NRXN3: variants seen among roughly 807,000 people sequenced by gnomAD.
NRXN3 encodes neurexin III.
A neutral mutation model predicts 137.6 loss-of-function variants in NRXN3; 32 were observed. That is an observed-to-expected ratio of 0.23 (90% CI 0.18 to 0.31). The LOEUF (loss-of-function observed/expected upper bound fraction) is 0.31, where lower values mean the gene tolerates loss of function less well. Among genes scored for constraint, NRXN3 ranks in the 10% least tolerant of loss-of-function variants. The pLI is 1.00. For missense variants in NRXN3, 1,574 were observed against 2,062.5 expected (o/e 0.76, Z 4.59); for synonymous variants, 798 against 784.5 (o/e 1.02, Z -0.29).
intron 20 of NRXN3, among the ~76,000 whole-genome samples, chr14:79,822,833 A>AAACG (rs2099276784): frequency 6.8e-6 from 1 of 147,424 alleles, no homozygotes; most frequent in South Asian, 2.1e-4. Context: ...ACAAACAAAC[A>AAACG]AAAAAACCAA....
chr14:79,405,625 A>G (rs927205343), intron 15 of NRXN3, among the ~76,000 whole-genome samples: 3 of 152,150 alleles, frequency 2.0e-5, no homozygotes, highest in African/African-American at 4.8e-5. Flanking sequence ...AATGAGGTTT[A>G]TTGTTGAGGA....
intron 15 of NRXN3, among the ~76,000 whole-genome samples, chr14:79,391,921 T>C (rs1333445170): frequency 6.6e-6 from 1 of 152,234 alleles, no homozygotes. Context: ...TAGAAGTCTA[T>C]GTTCTATAGT....
chr14:78,418,640 G>A (rs536348465), intron 4 of NRXN3, among the ~76,000 whole-genome samples: 1 of 152,180 alleles, frequency 6.6e-6, no homozygotes, highest in South Asian at 2.1e-4. Context: ...GTAGGCTGCT[G>A]TTTGGTCTTT....
At chr14:79,045,057 T>C (rs2062743) in intron 15 of NRXN3, among the ~76,000 whole-genome samples, 143,201 of 152,252 alleles carry the variant, frequency 0.94, 67,815 homozygotes, top group Non-Finnish European at 0.99. Context: ...AAAACAACTT[T>C]CTCTTGGCCA....
At chr14:79,153,534 G>A (rs1358368838) in intron 15 of NRXN3, among the ~76,000 whole-genome samples, 1 of 151,856 alleles carries the variant, frequency 6.6e-6, no homozygotes, top group Non-Finnish European at 1.5e-5. Context: ...CAAGTTTCTT[G>A]TCCTGGGCCC....
intron 15 of NRXN3, among the ~76,000 whole-genome samples, chr14:79,365,568 A>G (rs1473213154): frequency 1.3e-5 from 2 of 148,166 alleles, no homozygotes; most frequent in East Asian, 3.9e-4. Context: ...AAATATAAAA[A>G]ATTAGCCGGG....
Position 79,566,744 on chromosome 14 carries a change from G to A in NRXN3, c.3445-97034G>A, listed in dbSNP as rs77941487. On this transcript the variant is annotated intron_variant, in intron 16 of 20. Transcript: ENST00000335750. Reference sequence around the variant, plus strand: ...AACTTTATTTATTTTTACCTCCTCCGATACAAAAAAATGTAAATAACCCTC... The same window carrying A: ...AACTTTATTTATTTTTACCTCCTCCAATACAAAAAAATGTAAATAACCCTC... Among the ~76,000 whole-genome samples, 2,288 of 151,746 alleles carry A rather than the reference G, an allele frequency of 0.015. 166 individuals are homozygous for A. The East Asian group carries it at 0.25, about 16-fold the overall frequency.
intron 4 of NRXN3, among the ~76,000 whole-genome samples, chr14:78,595,351 T>C (rs2097150060): frequency 6.6e-6 from 1 of 152,176 alleles, no homozygotes; most frequent in Admixed American, 6.5e-5. Flanking sequence ...GCTTTGCCAC[T>C]CAGAGAGAAG....
intron 4 of NRXN3, among the ~76,000 whole-genome samples, chr14:78,329,115 A>G (rs192122840): frequency 5.0e-4 from 76 of 152,314 alleles, no homozygotes; most frequent in Non-Finnish European, 1.9e-4. Flanking sequence ...TGTCTACAGC[A>G]TGTTAAAATG....
At chr14:78,403,586 C>A in intron 4 of NRXN3, 1 of 328,942 alleles carries the variant, frequency 3.0e-6, no homozygotes, top group Non-Finnish European at 4.3e-6. Flanking sequence ...AACACCCTGT[C>A]CCGGGCCCCA....
chr14:79,269,952 C>T (rs1387155921), intron 15 of NRXN3, among the ~76,000 whole-genome samples: 1 of 152,164 alleles, frequency 6.6e-6, no homozygotes, highest in Admixed American at 6.5e-5. Context: ...GATTCCTCAC[C>T]TCAATGAATG....
At chr14:79,280,517 G>A (rs1335734463) in intron 15 of NRXN3, 3 of 1,612,454 alleles carry the variant, frequency 1.9e-6, no homozygotes, top group South Asian at 1.1e-5. Flanking sequence ...TCGTTCCCCT[G>A]TTTCCCTTCG....
At chr14:79,067,645 T>C (rs2099682451) in intron 15 of NRXN3, among the ~76,000 whole-genome samples, 2 of 152,090 alleles carry the variant, frequency 1.3e-5, no homozygotes, top group Admixed American at 1.3e-4. Context: ...TTTCAGAACG[T>C]GGTCTATTCA....
chr14:78,978,711 A>T (rs569625369), intron 14 of NRXN3, among the ~76,000 whole-genome samples: 1 of 148,076 alleles, frequency 6.8e-6, no homozygotes, highest in Non-Finnish European at 1.5e-5. Context: ...TATGCATCTT[A>T]TATATAATAT....
intron 15 of NRXN3, among the ~76,000 whole-genome samples, chr14:79,064,586 G>A (rs146608947): frequency 1.3e-5 from 2 of 149,440 alleles, no homozygotes; most frequent in East Asian, 4.0e-4. Context: ...TTTTTGAAAA[G>A]TAAAAAGAAA....
At chr14:78,936,641 T>A (rs1186650321) in intron 10 of NRXN3, among the ~76,000 whole-genome samples, 4 of 152,224 alleles carry the variant, frequency 2.6e-5, no homozygotes, top group Non-Finnish European at 4.4e-5. Context: ...TCAAAACTTA[T>A]AAAATTGTAC....
intron 15 of NRXN3, among the ~76,000 whole-genome samples, chr14:79,226,380 G>T (rs1246958709): frequency 1.3e-5 from 2 of 152,124 alleles, no homozygotes; most frequent in East Asian, 3.9e-4. Flanking sequence ...ACATATCTTT[G>T]ATAGGCAATA....
At chr14:78,634,901 T>C (rs1249209155) in intron 4 of NRXN3, among the ~76,000 whole-genome samples, 1 of 152,170 alleles carries the variant, frequency 6.6e-6, no homozygotes, top group Non-Finnish European at 1.5e-5. Flanking sequence ...TCATTTATAT[T>C]CATTATTCTC....
intron 16 of NRXN3, among the ~76,000 whole-genome samples, chr14:79,504,374 C>T (rs984086223): frequency 6.6e-6 from 1 of 151,882 alleles, no homozygotes; most frequent in African/African-American, 2.4e-5. Flanking sequence ...AATGTTCCGT[C>T]ATATAATTAT....
Sources: allele counts gnomAD v4.1 joint callset (sites outside exome capture counted in the v4.1 genomes callset), GRCh38; gene constraint gnomAD v4.1.1; transcripts MANE v1.5; gene names NCBI Gene and HGNC (gene_info 2026-07-23, HGNC 2026-07-21).